GMDS: variants seen among roughly 807,000 people sequenced by gnomAD.
The protein encoded by GMDS is GDP-mannose 4,6 dehydratase.
Under a neutral mutation model 49.9 loss-of-function variants are expected in GMDS, and 20 were observed. The ratio of observed to expected loss-of-function variants is 0.40; its 90% CI spans 0.28 to 0.58. GMDS has a LOEUF of 0.58. GMDS is among the 20% of genes least tolerant of loss of function. The pLI is 0.42. For synonymous variants in GMDS, 177 were observed against 178.6 expected (o/e 0.99, Z 0.07); for missense variants, 362 against 481.4 (o/e 0.75, Z 2.32).
chr6:2,022,305 G>T (rs1173393352), intron 4 of GMDS, among the ~76,000 whole-genome samples: 1 of 152,070 alleles, frequency 6.6e-6, no homozygotes, highest in Non-Finnish European at 1.5e-5. Flanking sequence ...GTAAATGGGT[G>T]GATATAGGAT....
intron 9 of GMDS, among the ~76,000 whole-genome samples, chr6:1,719,961 C>T (rs1465384752): frequency 6.6e-6 from 1 of 152,166 alleles, no homozygotes; most frequent in African/African-American, 2.4e-5. Context: ...AAAAAAGGTA[C>T]AGATGTTGCA....
At chr6:1,856,138 T>C (rs959173735) in intron 7 of GMDS, among the ~76,000 whole-genome samples, 1 of 152,206 alleles carries the variant, frequency 6.6e-6, no homozygotes, top group Non-Finnish European at 1.5e-5. Context: ...GTTTTGTATT[T>C]TGGAATTATG....
intron 9 of GMDS, among the ~76,000 whole-genome samples, chr6:1,704,393 G>A (rs919949964): frequency 2.0e-5 from 3 of 152,152 alleles, no homozygotes; most frequent in South Asian, 2.1e-4. Context: ...CATGGGGGTG[G>A]GCAACAGAGA....
At chr6:1,851,063 G>A (rs1289215905) in intron 7 of GMDS, among the ~76,000 whole-genome samples, 1 of 152,178 alleles carries the variant, frequency 6.6e-6, no homozygotes, top group Non-Finnish European at 1.5e-5. Context: ...AACAGCAAAT[G>A]CTCTATCAGG....
At chr6:2,233,804 AAC>A (rs1192943964) in intron 1 of GMDS, among the ~76,000 whole-genome samples, 2 of 152,228 alleles carry the variant, frequency 1.3e-5, no homozygotes, top group Admixed American at 1.3e-4. Flanking sequence ...CAGCCTGGAC[AAC>A]AGAGGGAGAC....
chr6:2,113,899 C>T (rs1404184311), intron 4 of GMDS, among the ~76,000 whole-genome samples: 1 of 152,074 alleles, frequency 6.6e-6, no homozygotes, highest in African/African-American at 2.4e-5. Flanking sequence ...ATTAACTAAC[C>T]ATTAAGAAAA....
intron 7 of GMDS, among the ~76,000 whole-genome samples, chr6:1,861,845 T>C (rs577849824): frequency 1.3e-4 from 20 of 152,292 alleles, no homozygotes; most frequent in Admixed American, 1.2e-3. Context: ...CTTTTCGGAC[T>C]TCACCTCTGA....
At chr6:1,966,449 C>T (rs560402813) in intron 4 of GMDS, among the ~76,000 whole-genome samples, 4 of 152,162 alleles carry the variant, frequency 2.6e-5, no homozygotes, top group Admixed American at 2.6e-4. Flanking sequence ...TGGGCTCCCA[C>T]ATCGCATATT....
At chr6:1,819,851 A>G (rs1310855243) in intron 7 of GMDS, among the ~76,000 whole-genome samples, 2 of 150,192 alleles carry the variant, frequency 1.3e-5, no homozygotes, top group African/African-American at 2.4e-5. Context: ...TAGACATTTT[A>G]GGAGTAATGT....
chr6:1,678,119 G>A lies in GMDS; in HGVS notation c.987+48297C>T, dbSNP rs141505693. Among the ~76,000 whole-genome samples, 35 of 152,030 alleles carry A rather than the reference G, an allele frequency of 2.3e-4. No homozygotes were observed. In the East Asian group the frequency reaches 6.8e-3, roughly 29 times the overall value. The stretch of plus-strand genomic sequence containing the variant: ...GCTTGAGAGATCAAAAACTCTTGGT[G>A]GCCAGCCTTAGGAGGGACCCCACAA... On this transcript the variant is annotated intron_variant, in intron 9 of 10. Coordinates refer to ENST00000380815, the MANE Select transcript of GMDS (RefSeq NM_001500.4).
At chr6:2,081,255 A>T (rs1381774301) in intron 4 of GMDS, among the ~76,000 whole-genome samples, 1 of 152,062 alleles carries the variant, frequency 6.6e-6, no homozygotes, top group African/African-American at 2.4e-5. Context: ...TGCCCTAGGA[A>T]CTCCGGATGG....
intron 7 of GMDS, among the ~76,000 whole-genome samples, chr6:1,780,923 C>T (rs1769056333): frequency 6.6e-6 from 1 of 152,138 alleles, no homozygotes; most frequent in Non-Finnish European, 1.5e-5. Flanking sequence ...ACCAGATTTC[C>T]CTTCTCCTTT....
At chr6:1,816,251 A>G (rs1290353636) in intron 7 of GMDS, among the ~76,000 whole-genome samples, 1 of 152,224 alleles carries the variant, frequency 6.6e-6, no homozygotes, top group Non-Finnish European at 1.5e-5. Flanking sequence ...TATTTATGGA[A>G]GATCTGCCAT....
At chr6:1,897,089 C>T (rs1229303962) in intron 7 of GMDS, among the ~76,000 whole-genome samples, 1 of 152,178 alleles carries the variant, frequency 6.6e-6, no homozygotes, top group African/African-American at 2.4e-5. Context: ...GCGAAGGCTG[C>T]TTAGCTGGTT....
At chr6:1,877,932 T>C (rs919451162) in intron 7 of GMDS, among the ~76,000 whole-genome samples, 2 of 152,218 alleles carry the variant, frequency 1.3e-5, no homozygotes, top group Admixed American at 6.5e-5. Context: ...CACACCTATG[T>C]GCTCTCTTCA....
chr6:2,186,880 T>C (rs191543015), intron 1 of GMDS, among the ~76,000 whole-genome samples: 1 of 152,348 alleles, frequency 6.6e-6, no homozygotes, highest in Non-Finnish European at 1.5e-5. Context: ...TGTACATATA[T>C]TTCATATTTA....
intron 4 of GMDS, among the ~76,000 whole-genome samples, chr6:2,106,721 A>G (rs73414537): frequency 0.051 from 7,801 of 151,908 alleles, 390 homozygotes; most frequent in African/African-American, 0.13. Context: ...AAATTAGCTG[A>G]GCGTGGTGGT....
intron 1 of GMDS, among the ~76,000 whole-genome samples, chr6:2,206,410 A>C (rs545530716): frequency 6.6e-6 from 1 of 152,278 alleles, no homozygotes; most frequent in South Asian, 2.1e-4. Flanking sequence ...TCTAGGAGGC[A>C]CTGAAGACCT....
chr6:1,733,014 G>A (rs1766871673), intron 8 of GMDS, among the ~76,000 whole-genome samples: 1 of 152,228 alleles, frequency 6.6e-6, no homozygotes, highest in South Asian at 2.1e-4. Context: ...ACCCCAGCCT[G>A]AGCTCTGCCC....
Sources: allele counts gnomAD v4.1 joint callset (sites outside exome capture counted in the v4.1 genomes callset), GRCh38; gene constraint gnomAD v4.1.1; transcripts MANE v1.5; gene names NCBI Gene and HGNC (gene_info 2026-07-23, HGNC 2026-07-21).